The following NEDD4 variants were observed in gnomAD, a reference collection of about 807,000 sequenced individuals.
NEDD4 encodes E3 ubiquitin-protein ligase NEDD4.
A neutral mutation model predicts 144.9 loss-of-function variants in NEDD4; 99 were observed. That is an observed-to-expected ratio of 0.68 (90% confidence interval 0.58 to 0.81). The LOEUF is 0.81. Among genes scored for constraint, NEDD4 ranks in the 30% least tolerant of loss-of-function variants. NEDD4 has a pLI of 0.00. For synonymous variants in NEDD4, 318 were observed against 350.6 expected, an observed-to-expected ratio of 0.91 and a Z score of 1.04; for missense variants, 985 against 1,065.9, an observed-to-expected ratio of 0.92 and a Z score of 1.06.
At chr15:55,957,976 G>A (rs1175074889) in intron 2 of NEDD4, among the ~76,000 whole-genome samples, 1 of 152,140 alleles carries the variant, frequency 6.6e-6, no homozygotes, top group Non-Finnish European at 1.5e-5. Flanking sequence ...TCGTGGAGTG[G>A]GGGAAGGGGT....
At chr15:55,985,701 T>C (rs1380346379) in intron 1 of NEDD4, among the ~76,000 whole-genome samples, 1 of 152,098 alleles carries the variant, frequency 6.6e-6, no homozygotes, top group African/African-American at 2.4e-5. Context: ...TATTTACAGA[T>C]TGATATAGAA....
At chr15:55,950,723 C>A (rs1047278741) in intron 4 of NEDD4, among the ~76,000 whole-genome samples, 4 of 152,024 alleles carry the variant, frequency 2.6e-5, no homozygotes, top group Non-Finnish European at 5.9e-5. Context: ...TTCAGGTGAA[C>A]AGAGAAACGA....
At position 55,973,236 on chromosome 15, in the gene NEDD4, A is replaced by T. The variant is rs9806342; in HGVS notation, c.46-6690T>A. On this transcript the variant is annotated intron_variant, in intron 1 of 28. Coordinates refer to ENST00000435532, the MANE Select transcript of NEDD4 (RefSeq NM_006154.4). ...CAAGGATAAACCACATGTTAGCCACAAAAGAAGTCTTTAAAAATTCAGCTA... is the reference window on the plus strand; with the variant it reads ...CAAGGATAAACCACATGTTAGCCACTAAAGAAGTCTTTAAAAATTCAGCTA... 7.8e-3 allele frequency among the ~76,000 whole-genome samples: 1,188 copies of T among 152,340 alleles called. 16 individuals carry two copies. Among genetic ancestry groups the T allele is most frequent in the African/African-American group, 0.027 (1,135 of 41,570 alleles).
chr15:55,976,765 A>T (rs916807571), intron 1 of NEDD4, among the ~76,000 whole-genome samples: 1 of 150,820 alleles, frequency 6.6e-6, no homozygotes, highest in Admixed American at 6.6e-5. Flanking sequence ...AAGAGCTGGG[A>T]CTACAGGCGC....
chr15:55,864,649 T>C (rs1283446386), intron 8 of NEDD4, among the ~76,000 whole-genome samples: 6 of 140,560 alleles, frequency 4.3e-5, no homozygotes, highest in African/African-American at 1.6e-4. Context: ...GCCATTGCAC[T>C]CCAGCCTGGA....
chr15:55,877,759 C>G (rs1467228478), intron 5 of NEDD4, among the ~76,000 whole-genome samples: 1 of 152,028 alleles, frequency 6.6e-6, no homozygotes, highest in African/African-American at 2.4e-5. Flanking sequence ...CCCTTCCTCC[C>G]ATTTATACAT....
chr15:55,915,393 C>T (rs753758689), intron 5 of NEDD4: 21 of 1,613,656 alleles, frequency 1.3e-5, no homozygotes, highest in Non-Finnish European at 1.7e-5. Flanking sequence ...CTGAGATGGT[C>T]CCCCTTTAGA....
chr15:55,972,831 G>A (rs1280674286), intron 1 of NEDD4, among the ~76,000 whole-genome samples: 2 of 151,774 alleles, frequency 1.3e-5, no homozygotes, highest in Non-Finnish European at 2.9e-5. Context: ...AAAAGAGCAG[G>A]AATAGCTATA....
chr15:55,932,892 C>T (rs1262344200), intron 4 of NEDD4, among the ~76,000 whole-genome samples: 4 of 152,150 alleles, frequency 2.6e-5, no homozygotes, highest in Non-Finnish European at 4.4e-5. Context: ...CAAAAGAAGA[C>T]ATATGCAGCC....
chr15:55,842,006 G>C lies in NEDD4; in HGVS notation c.1766C>G (p.Ala589Gly), dbSNP rs768768800. ...TGAGATCAGGAAGAACCATTCTCTG[G>C]CAACTCCTCCATAATCCAATCCCTT... Reference protein sequence around the residue: ...GEKGLDYGGVAREWFFLISKE... With the variant: ...GEKGLDYGGVGREWFFLISKE... The change falls in exon 19 of 29, where the codon GCC becomes GGC. Residue 589 changes from alanine to glycine, a missense_variant. Physicochemically the swap from Ala to Gly is moderately conservative, Grantham distance 60. Coordinates refer to ENST00000435532, the MANE Select transcript of NEDD4 (RefSeq NM_006154.4). 91 of 1,614,000 alleles carry C rather than the reference G, an allele frequency of 5.6e-5. 1 individual carries two copies. The highest frequency in any genetic ancestry group is 7.5e-5 in the Non-Finnish European group (89 of 1,180,040).
chr15:55,930,102 G>A (rs540143685), intron 4 of NEDD4, among the ~76,000 whole-genome samples: 2 of 152,202 alleles, frequency 1.3e-5, no homozygotes. Context: ...AAAGAGGCTG[G>A]GCAAATTATG....
rs141174461 is a variant in NEDD4 at position 55,980,345 on chromosome 15, G to A, written c.45+13166C>T. 3.5e-3 allele frequency among the ~76,000 whole-genome samples: 531 copies of A among 152,260 alleles called. 1 individual carries two copies. The highest frequency in any genetic ancestry group is 5.8e-3 in the Admixed American group (89 of 15,292). On this transcript the variant is annotated intron_variant, in intron 1 of 28. Coordinates refer to ENST00000435532, the MANE Select transcript of NEDD4 (RefSeq NM_006154.4). ...AACCTTTCTAAAGTAGCTGAAAATA[G>A]AAGCCTCATCCCCCAACTTGGGTCT...
intron 8 of NEDD4, among the ~76,000 whole-genome samples, chr15:55,868,887 G>A (rs1235101531): frequency 6.6e-6 from 1 of 152,110 alleles, no homozygotes; most frequent in Non-Finnish European, 1.5e-5. Flanking sequence ...CTGTCACTCT[G>A]CAAACAAGAT....
In NEDD4 at chr15:55,838,219, G is replaced by A. The variant is rs201231776; in HGVS notation, c.2128-39C>T. ...CAATAACTTGATATGTTATTTTAGC[G>A]AGAAAAATTTAAAAAGTATACATAT... On this transcript the variant is annotated intron_variant, in intron 22 of 28. Coordinates refer to ENST00000435532, the MANE Select transcript of NEDD4 (RefSeq NM_006154.4). 849 of 1,399,412 alleles carry A rather than the reference G, an allele frequency of 6.1e-4. 5 individuals are homozygous for A. The highest frequency in any genetic ancestry group is 9.5e-4 in the East Asian group (40 of 41,938). The allele number at this position is 1,399,412 out of a possible 1,614,324, so 86.7% of individuals were successfully genotyped here. A position where few individuals can be genotyped will look rare whatever the true frequency, so the allele number is the denominator to read the frequency against.
At chr15:55,960,315 G>T (rs2037405006) in intron 2 of NEDD4, among the ~76,000 whole-genome samples, 1 of 152,192 alleles carries the variant, frequency 6.6e-6, no homozygotes, top group Non-Finnish European at 1.5e-5. Flanking sequence ...CAATCTGGGT[G>T]GGCACCATCT....
At chr15:55,920,687 T>C (rs1451347172) in intron 5 of NEDD4, among the ~76,000 whole-genome samples, 1 of 152,226 alleles carries the variant, frequency 6.6e-6, no homozygotes, top group Non-Finnish European at 1.5e-5. Flanking sequence ...GAGAATTTGC[T>C]AGGAAAATGG....
chr15:55,922,461 C>T (rs755799304), intron 5 of NEDD4, among the ~76,000 whole-genome samples: 16 of 152,142 alleles, frequency 1.1e-4, no homozygotes, highest in Non-Finnish European at 2.1e-4. Flanking sequence ...CTCCTGGGTT[C>T]GGGCAAGTCT....
intron 2 of NEDD4, among the ~76,000 whole-genome samples, chr15:55,957,467 T>C (rs1345270612): frequency 2.6e-5 from 4 of 152,202 alleles, no homozygotes; most frequent in African/African-American, 9.6e-5. Flanking sequence ...CATTTCCATC[T>C]ATTCCTAGTT....
At chr15:55,965,922 G>C (rs2037505120) in intron 2 of NEDD4, among the ~76,000 whole-genome samples, 1 of 152,156 alleles carries the variant, frequency 6.6e-6, no homozygotes, top group Non-Finnish European at 1.5e-5. Context: ...AAATTACTAA[G>C]ATTACAGGCA....
Sources: allele counts gnomAD v4.1 joint callset (sites outside exome capture counted in the v4.1 genomes callset), GRCh38; gene constraint gnomAD v4.1.1; transcripts MANE v1.5; gene names NCBI Gene and HGNC (gene_info 2026-07-23, HGNC 2026-07-21).